The following BCAS4 variants were observed in gnomAD, a reference collection of about 807,000 sequenced individuals.
BCAS4 encodes the protein breast carcinoma amplified sequence 4.
Under a neutral mutation model 15.7 loss-of-function variants are expected in BCAS4, and 9 were observed. The observed-to-expected ratio is 0.57, with a 90% CI of 0.34 to 1.00. The LOEUF (loss-of-function observed/expected upper bound fraction) is 1.00. Ranked by LOEUF, BCAS4 falls within the 50% of genes least tolerant of loss-of-function variation. The probability of loss-of-function intolerance (pLI) is 0.02; values close to 1 mark genes in which losing one functional copy is unlikely to be tolerated. For missense variants in BCAS4, 225 were observed against 239.1 expected (o/e 0.94, Z 0.39); for synonymous variants, 101 against 99.5 (o/e 1.02, Z -0.09).
At chr20:50,816,245 C>T (rs192636459) in intron 1 of BCAS4, among the ~76,000 whole-genome samples, 80 of 152,178 alleles carry the variant, frequency 5.3e-4, no homozygotes, top group African/African-American at 1.6e-3. Context: ...AGGCTGGTCT[C>T]GAACTCCTGA....
chr20:50,848,057 C>CA lies in BCAS4; in HGVS notation c.399+6166dup, dbSNP rs201988435. ...CTGTCTCAAACAATAGCAACAACAACAAAAAAAAACAGAAAATTCAGTTAG... is the reference window on the plus strand; with the variant it reads ...CTGTCTCAAACAATAGCAACAACAACAAAAAAAAAACAGAAAATTCAGTTAG... On this transcript the variant is annotated intron_variant, in intron 4 of 4. Coordinates refer to ENST00000371608, the MANE Select transcript of BCAS4 (RefSeq NM_198799.4). 7.2e-3 allele frequency among the ~76,000 whole-genome samples: 1,083 copies of CA among 149,614 alleles called. 14 individuals carry two copies. Among genetic ancestry groups the CA allele is most frequent in the African/African-American group, 0.023 (946 of 40,830 alleles).
intron 2 of BCAS4, among the ~76,000 whole-genome samples, chr20:50,822,314 G>A (rs988450147): frequency 4.6e-5 from 7 of 152,212 alleles, no homozygotes; most frequent in Admixed American, 4.6e-4. Context: ...CACTTCTGTT[G>A]TAGTTTATTG....
chr20:50,876,399 C>T, intron 4 of BCAS4, 87 bp from the exon 5 acceptor site: 1 of 1,541,818 alleles, frequency 6.5e-7, no homozygotes, highest in Admixed American at 1.8e-5. Flanking sequence ...GTGAGTCCTG[C>T]AGGATGAACT....
intron 2 of BCAS4, among the ~76,000 whole-genome samples, chr20:50,820,527 G>T (rs556396975): frequency 6.6e-6 from 1 of 152,156 alleles, no homozygotes; most frequent in South Asian, 2.1e-4. Flanking sequence ...TCGTGGTTGC[G>T]GGCAGGGAAG....
intron 4 of BCAS4, among the ~76,000 whole-genome samples, chr20:50,874,990 C>G (rs1321027321): frequency 1.3e-5 from 2 of 152,164 alleles, no homozygotes; most frequent in Non-Finnish European, 2.9e-5. Context: ...GACCATGCAT[C>G]CTTGCTCATC....
chr20:50,829,462 C>T (rs574093674), intron 2 of BCAS4, among the ~76,000 whole-genome samples: 19 of 152,124 alleles, frequency 1.2e-4, no homozygotes, highest in African/African-American at 4.3e-4. Context: ...AGGCTGGTCT[C>T]GAACTCCTGA....
intron 1 of BCAS4, among the ~76,000 whole-genome samples, chr20:50,799,944 G>A (rs561452027): frequency 6.6e-6 from 1 of 152,292 alleles, no homozygotes; most frequent in Admixed American, 6.5e-5. Context: ...CTACTAGAGA[G>A]GCCGAGATGG....
chr20:50,840,183 C>CT lies in BCAS4; in HGVS notation c.265-1576dup, dbSNP rs1012064956. ...TGAGGTACCATGCCCAGCCAGAATT[C>CT]TTTTTTTATTTATTTTAATTTTATT... On this transcript the variant is annotated intron_variant, in intron 3 of 4. Coordinates refer to ENST00000371608, the MANE Select transcript of BCAS4 (RefSeq NM_198799.4). Among the ~76,000 whole-genome samples, 28 of 152,052 alleles carry CT rather than the reference C, an allele frequency of 1.8e-4. 1 individual carries two copies. The highest frequency in any genetic ancestry group is 1.2e-4 in the Non-Finnish European group (8 of 68,014).
At chr20:50,805,588 C>A (rs941676957) in intron 1 of BCAS4, among the ~76,000 whole-genome samples, 15 of 152,306 alleles carry the variant, frequency 9.8e-5, no homozygotes, top group African/African-American at 3.1e-4. Flanking sequence ...CCACCCCTCC[C>A]TGTTGTCTCC....
At chr20:50,872,972 G>A (rs551255846) in intron 4 of BCAS4, among the ~76,000 whole-genome samples, 11 of 152,314 alleles carry the variant, frequency 7.2e-5, no homozygotes, top group East Asian at 1.9e-4. Context: ...CTGAGTGCAC[G>A]GGAAGCAGCT....
At chr20:50,827,766 G>A (rs140649114) in intron 2 of BCAS4, among the ~76,000 whole-genome samples, 57 of 152,122 alleles carry the variant, frequency 3.7e-4, no homozygotes, top group East Asian at 3.9e-4. Flanking sequence ...TTGCACTGTC[G>A]CCCGGGCTGG....
At chr20:50,807,068 C>T (rs961522288) in intron 1 of BCAS4, among the ~76,000 whole-genome samples, 5 of 151,958 alleles carry the variant, frequency 3.3e-5, no homozygotes, top group Non-Finnish European at 5.9e-5. Flanking sequence ...GATGGGGTTT[C>T]ACTATGTTGG....
intron 4 of BCAS4, among the ~76,000 whole-genome samples, chr20:50,864,437 TG>T (rs1443704993): frequency 8.4e-5 from 11 of 131,686 alleles, no homozygotes; most frequent in African/African-American, 3.9e-4. Context: ...TGATCATGAT[TG>T]ATTTTTTTTT....
chr20:50,816,017 A>T (rs1442098333), intron 1 of BCAS4, among the ~76,000 whole-genome samples: 1 of 152,144 alleles, frequency 6.6e-6, no homozygotes, highest in Non-Finnish European at 1.5e-5. Flanking sequence ...AGGGGGAAAA[A>T]AAACCTAATT....
chr20:50,855,077 C>T (rs540552184), intron 4 of BCAS4, among the ~76,000 whole-genome samples: 7 of 152,292 alleles, frequency 4.6e-5, no homozygotes, highest in African/African-American at 1.4e-4. Context: ...TGGGCACACC[C>T]GCCAGGGGTG....
intron 4 of BCAS4, 99 bp downstream of exon 4, chr20:50,841,999 G>A (rs934468084): frequency 1.4e-6 from 2 of 1,392,602 alleles, no homozygotes; most frequent in Non-Finnish European, 1.9e-6. Context: ...AGTTCAGGGG[G>A]GCACATTTCA....
chr20:50,854,022 A>T (rs1331308023), intron 4 of BCAS4, among the ~76,000 whole-genome samples: 1 of 152,190 alleles, frequency 6.6e-6, no homozygotes, highest in Non-Finnish European at 1.5e-5. Flanking sequence ...ACTGGCCCAG[A>T]AGAATGACAG....
At chr20:50,803,816 A>G (rs2087957290) in intron 1 of BCAS4, among the ~76,000 whole-genome samples, 1 of 151,816 alleles carries the variant, frequency 6.6e-6, no homozygotes, top group African/African-American at 2.4e-5. Context: ...AAAAAAAAAA[A>G]AAAAGAGAGA....
rs146871000 is a variant in BCAS4 at position 50,843,871 on chromosome 20, C to T, written c.399+1971C>T. On this transcript the variant is annotated intron_variant, in intron 4 of 4. Coordinates refer to ENST00000371608, the MANE Select transcript of BCAS4 (RefSeq NM_198799.4). ...TTAAAAGCACATTTGGGGCCGGGCA[C>T]GGTGGCTTATGCTTGTAATACCAGC... Among the ~76,000 whole-genome samples the T allele has an allele frequency of 5.2e-4, 79 of 152,274 alleles. 1 individual carries two copies. In the East Asian group the frequency reaches 0.013, roughly 25 times the overall value.
Sources: gnomAD v4.1 joint callset for allele counts (sites outside exome capture counted in the v4.1 genomes callset) on GRCh38, gnomAD v4.1.1 for gene constraint, MANE v1.5 for transcripts, NCBI Gene and HGNC (gene_info 2026-07-23, HGNC 2026-07-21) for gene names.